The following HAPSTR1 variants were observed in gnomAD, a reference collection of about 807,000 sequenced individuals.
The protein encoded by HAPSTR1 is HUWE1 associated protein modifying stress responses.
the HAPSTR1 span, chr16:9,116,927 C>T: frequency 1.2e-6 from 2 of 1,611,864 alleles, no homozygotes; most frequent in South Asian, 2.2e-5. Flanking sequence ...CAAACATTTT[C>T]ACACCCACCA....
the HAPSTR1 span, chr16:9,106,821 A>T: frequency 6.6e-6 from 1 of 152,166 alleles, no homozygotes. Flanking sequence ...ACATTATTAT[A>T]AATTTCCCAA....
the HAPSTR1 span, chr16:9,092,294 G>C: frequency 4.0e-6 from 6 of 1,483,986 alleles, no homozygotes; most frequent in Non-Finnish European, 5.4e-6. Context: ...CGCCATCTTG[G>C]TACCGCTTGG....
the HAPSTR1 span, chr16:9,103,711 T>G: frequency 6.2e-6 from 1 of 161,830 alleles, no homozygotes; most frequent in Non-Finnish European, 1.4e-5. Context: ...CTTGGTTTGC[T>G]GTAGATGGTG....
the HAPSTR1 span, chr16:9,102,962 T>C: frequency 6.2e-7 from 1 of 1,608,452 alleles, no homozygotes; most frequent in East Asian, 2.2e-5. Context: ...ATACATGTTT[T>C]CTTTTTCTTT....
the HAPSTR1 span, among the ~76,000 whole-genome samples, chr16:9,093,898 G>A: frequency 1.2e-4 from 18 of 151,868 alleles, no homozygotes; most frequent in East Asian, 2.9e-3. Flanking sequence ...TTAATCTTAA[G>A]AAATATGTAA....
At chr16:9,092,282 G>A in the HAPSTR1 span, 2 of 1,521,842 alleles carry the variant, frequency 1.3e-6, no homozygotes, top group African/African-American at 1.4e-5. Context: ...TGAGGCCGCC[G>A]CCGCCATCTT....
the HAPSTR1 span, chr16:9,104,927 G>A: frequency 6.6e-6 from 1 of 152,060 alleles, no homozygotes; most frequent in Non-Finnish European, 1.5e-5. Context: ...GAGGGTTGTG[G>A]GTCATTCCAT....
chr16:9,100,768 C>T, the HAPSTR1 span, among the ~76,000 whole-genome samples: 2 of 152,106 alleles, frequency 1.3e-5, no homozygotes, highest in Non-Finnish European at 2.9e-5. Context: ...CTCCTGACTT[C>T]AGGTGATCCA....
chr16:9,096,925 T>A, the HAPSTR1 span, among the ~76,000 whole-genome samples: 1 of 152,150 alleles, frequency 6.6e-6, no homozygotes, highest in African/African-American at 2.4e-5. Flanking sequence ...AGACTGCTTT[T>A]TTTGTGTGTA....
the HAPSTR1 span, among the ~76,000 whole-genome samples, chr16:9,101,898 G>T: frequency 1.3e-5 from 2 of 152,106 alleles, no homozygotes; most frequent in African/African-American, 4.8e-5. Context: ...TGAGGCAGGC[G>T]GATCACAAGG....
chr16:9,101,060 T>C, the HAPSTR1 span, among the ~76,000 whole-genome samples: 1 of 152,246 alleles, frequency 6.6e-6, no homozygotes, highest in African/African-American at 2.4e-5. Context: ...TGATTGCTTC[T>C]AGGTTAACAC....
the HAPSTR1 span, among the ~76,000 whole-genome samples, chr16:9,100,977 T>C: frequency 1.3e-5 from 2 of 152,240 alleles, no homozygotes; most frequent in Non-Finnish European, 2.9e-5. Flanking sequence ...CTCATTCTCT[T>C]CAGAAACAGA....
At chr16:9,099,614 G>T in the HAPSTR1 span, among the ~76,000 whole-genome samples, 1 of 152,192 alleles carries the variant, frequency 6.6e-6, no homozygotes, top group Non-Finnish European at 1.5e-5. Context: ...CAGTGACTTT[G>T]GTTTCTGTAA....
At chr16:9,093,393 C>T in the HAPSTR1 span, among the ~76,000 whole-genome samples, 2 of 152,130 alleles carry the variant, frequency 1.3e-5, no homozygotes, top group African/African-American at 2.4e-5. Flanking sequence ...GACGGCTGAG[C>T]CTTGCCTCCC....
At chr16:9,119,689 A>C in the HAPSTR1 span, 1 of 152,368 alleles carries the variant, frequency 6.6e-6, no homozygotes, top group Non-Finnish European at 1.5e-5. Flanking sequence ...GAATAAAAAC[A>C]AAAAAACCAT....
At chr16:9,121,471 T>G in the HAPSTR1 span, 1 of 152,236 alleles carries the variant, frequency 6.6e-6, no homozygotes, top group Non-Finnish European at 1.5e-5. Context: ...TTTAATCTGT[T>G]TTTTACCTGC....
the HAPSTR1 span, among the ~76,000 whole-genome samples, chr16:9,100,419 T>A: frequency 2.2e-4 from 33 of 146,688 alleles, no homozygotes; most frequent in African/African-American, 5.2e-4. Context: ...CACAGGATAT[T>A]TTTTTTTTTT....
the HAPSTR1 span, chr16:9,104,343 TC>T: frequency 6.6e-6 from 1 of 152,216 alleles, no homozygotes; most frequent in Non-Finnish European, 1.5e-5. Context: ...CCTCAGGTGA[TC>T]CGCCCACCTT....
At chr16:9,094,455 A>C in the HAPSTR1 span, among the ~76,000 whole-genome samples, 3 of 152,186 alleles carry the variant, frequency 2.0e-5, no homozygotes, top group Admixed American at 6.5e-5. Context: ...ATTTACATAC[A>C]GTAAAATCAC....
Sources: gnomAD v4.1 joint callset for allele counts (sites outside exome capture counted in the v4.1 genomes callset) on GRCh38, gnomAD v4.1.1 for gene constraint, MANE v1.5 for transcripts, NCBI Gene and HGNC (gene_info 2026-07-23, HGNC 2026-07-21) for gene names.